Variants in HEMK1 observed in about 807,000 individuals in gnomAD.
The protein encoded by HEMK1 is HemK methyltransferase 1, mitochondrial release factors N(5)-glutamine.
In HEMK1, 36 loss-of-function variants were observed where a neutral mutation model predicts 47.9. The ratio of observed to expected loss-of-function variants is 0.75; its 90% CI spans 0.58 to 0.99. The LOEUF (loss-of-function observed/expected upper bound fraction) is 0.99. Among genes scored for constraint, HEMK1 ranks in the 50% least tolerant of loss-of-function variants. HEMK1 has a pLI of 0.00. For synonymous variants in HEMK1, 153 were observed against 165.4 expected, an observed-to-expected ratio of 0.93 and a Z score of 0.57; for missense variants, 383 against 434.5, an observed-to-expected ratio of 0.88 and a Z score of 1.05.
At position 50,587,580 on chromosome 3, in the gene HEMK1, C is replaced by G. The variant is rs1465682401; in HGVS notation, c.*7163C>G. 1 of 152,218 alleles carries G rather than the reference C, an allele frequency of 6.6e-6. No individual in the cohort carries two copies. The highest frequency in any genetic ancestry group is 1.5e-5 in the Non-Finnish European group (1 of 68,082). 9.4% of individuals were successfully genotyped at this position (152,218 alleles called of 1,614,324 possible). A position where few individuals can be genotyped will look rare whatever the true frequency, so the allele number is the denominator to read the frequency against. On this transcript the variant is annotated 3_prime_UTR_variant, in exon 11 of 11. Transcript: ENST00000232854. This position sits in a 1 kb window ranked among gnomAD's most constrained non-coding sequence, Gnocchi z 4.2. ...GGAGCTGGAGGCCTTAGTCATCACA[C>G]CAGGCTTGAGGAGGGGCGGATAGGA...
rs953253823 is a variant in HEMK1 at position 50,590,761 on chromosome 3, G to C, written c.*10344G>C. 6.6e-6 allele frequency: 1 copy of C among 152,274 alleles called. No individual in the cohort carries two copies. The highest frequency in any genetic ancestry group is 1.9e-4 in the East Asian group (1 of 5,166). 9.4% of individuals were successfully genotyped at this position (152,274 alleles called of 1,614,324 possible). Reference sequence around the variant, plus strand: ...GGCCACATGCTCCTGAAAGGTCCTTGGGAGCCCCACCAGGCTCCAGTGTGG... The same window carrying C: ...GGCCACATGCTCCTGAAAGGTCCTTCGGAGCCCCACCAGGCTCCAGTGTGG... On this transcript the variant is annotated 3_prime_UTR_variant, in exon 11 of 11. Coordinates refer to ENST00000232854, the MANE Select transcript of HEMK1 (RefSeq NM_016173.5).
At position 50,587,333 on chromosome 3, in the gene HEMK1, C is replaced by G. The variant is rs1008170469; in HGVS notation, c.*6916C>G. On this transcript the variant is annotated 3_prime_UTR_variant, in exon 11 of 11. Transcript: ENST00000232854. The surrounding 1 kb of genome is among the most constrained non-coding windows in gnomAD (Gnocchi z 4.2). ...CAGGGCCTCAGTCTCTCAAGACCTACTTTGTGTCAGGCACCAGGGAGATGA... is the reference window on the plus strand; with the variant it reads ...CAGGGCCTCAGTCTCTCAAGACCTAGTTTGTGTCAGGCACCAGGGAGATGA... 1 of 152,258 alleles carries G rather than the reference C, an allele frequency of 6.6e-6. No individual in the cohort carries two copies. Among genetic ancestry groups the G allele is most frequent in the Non-Finnish European group, 1.5e-5 (1 of 68,088 alleles). The allele number at this position is 152,258 out of a possible 1,614,324, so 9.4% of individuals were successfully genotyped here.
Position 50,581,085 on chromosome 3 carries a change from G to A in HEMK1, c.*668G>A, listed in dbSNP as rs145340689. On this transcript the variant is annotated 3_prime_UTR_variant, in exon 11 of 11. Coordinates refer to ENST00000232854, the MANE Select transcript of HEMK1 (RefSeq NM_016173.5). ...TTCATTTAACTGAAGGCTTGAGCCA[G>A]TGAGGGGTGTTTCCTTTTTATCCCC... is the stretch of plus-strand genomic sequence containing the variant. 1.2e-4 allele frequency: 18 copies of A among 152,478 alleles called. 1 individual carries two copies. The East Asian group carries it at 3.5e-3, about 29-fold the overall frequency. 9.4% of individuals were successfully genotyped at this position (152,478 alleles called of 1,614,324 possible). A position where few individuals can be genotyped will look rare whatever the true frequency, so the allele number is the denominator to read the frequency against.
intron 4 of HEMK1, among the ~76,000 whole-genome samples, chr3:50,574,334 T>G (rs1559456515): frequency 6.6e-6 from 1 of 152,220 alleles, no homozygotes; most frequent in Admixed American, 6.5e-5. Context: ...TGGGCTGTTA[T>G]CTACCCCTGC....
chr3:50,576,181 C>A (rs894314555), intron 4 of HEMK1, among the ~76,000 whole-genome samples: 5 of 152,210 alleles, frequency 3.3e-5, no homozygotes, highest in Admixed American at 3.3e-4. Context: ...TAGGAGCCTC[C>A]CTGGGGGCCT....
rs2031957776 is a variant in HEMK1, at chr3:50,596,066, G to A, written c.*15649G>A. 2 of 152,162 alleles carry A rather than the reference G, an allele frequency of 1.3e-5. No homozygotes were observed. The allele number at this position is 152,162 out of a possible 1,614,324, so 9.4% of individuals were successfully genotyped here. A position where few individuals can be genotyped will look rare whatever the true frequency, so the allele number is the denominator to read the frequency against. On this transcript the variant is annotated 3_prime_UTR_variant, in exon 11 of 11. Coordinates refer to ENST00000232854, the MANE Select transcript of HEMK1 (RefSeq NM_016173.5). Reference sequence around the variant, plus strand: ...TCCAATATCACTTACTGGAAATTGTGCTTTGTCTGTTACCACTCTCTTCTA... The same window carrying A: ...TCCAATATCACTTACTGGAAATTGTACTTTGTCTGTTACCACTCTCTTCTA...
chr3:50,587,027 T>G lies in HEMK1; in HGVS notation c.*6610T>G, dbSNP rs1379115861. ...ATGGGGTTTTTAGTTGTCCCCACAT[T>G]ACAAAGTTGAGGACACCAAGGCTCA... is the stretch of plus-strand genomic sequence containing the variant. On this transcript the variant is annotated 3_prime_UTR_variant, in exon 11 of 11. Coordinates refer to ENST00000232854, the MANE Select transcript of HEMK1 (RefSeq NM_016173.5). This position sits in a 1 kb window ranked among gnomAD's most constrained non-coding sequence, Gnocchi z 4.2. The G allele has an allele frequency of 6.6e-6, 1 of 152,072 alleles. No homozygotes were observed. The highest frequency in any genetic ancestry group is 1.5e-5 in the Non-Finnish European group (1 of 68,024). 9.4% of individuals were successfully genotyped at this position (152,072 alleles called of 1,614,324 possible).
At position 50,585,368 on chromosome 3, in the gene HEMK1, C is replaced by T. The variant is rs1029511671; in HGVS notation, c.*4951C>T. 1.3e-5 allele frequency: 2 copies of T among 152,298 alleles called. No homozygotes were observed. Among genetic ancestry groups the T allele is most frequent in the Non-Finnish European group, 2.9e-5 (2 of 68,102 alleles). 9.4% of individuals were successfully genotyped at this position (152,298 alleles called of 1,614,324 possible). ...CTGGCCCCTCCATGTAAGCCATAGG[C>T]CTGAGCAGAGCTGTGTCACCATTCT... On this transcript the variant is annotated 3_prime_UTR_variant, in exon 11 of 11. Coordinates refer to ENST00000232854, the MANE Select transcript of HEMK1 (RefSeq NM_016173.5).
At chr3:50,575,318 A>G (rs1210199038) in intron 4 of HEMK1, among the ~76,000 whole-genome samples, 2 of 152,106 alleles carry the variant, frequency 1.3e-5, no homozygotes, top group Non-Finnish European at 2.9e-5. Context: ...GCTACTTGGG[A>G]AGGCTGAGAC....
At chr3:50,577,699 G>C in intron 6 of HEMK1, 126 bp downstream of exon 6, 1 of 1,330,600 alleles carries the variant, frequency 7.5e-7, no homozygotes, top group Non-Finnish European at 1.1e-6. Flanking sequence ...GGTCCCATGG[G>C]GTTCTGAATG....
Position 50,581,730 on chromosome 3 carries a change from C to T in HEMK1, c.*1313C>T, listed in dbSNP as rs1395664665. 1 of 152,260 alleles carries T rather than the reference C, an allele frequency of 6.6e-6. No homozygotes were observed. The highest frequency in any genetic ancestry group is 2.4e-5 in the African/African-American group (1 of 41,460). The allele number at this position is 152,260 out of a possible 1,614,324, so 9.4% of individuals were successfully genotyped here. ...ACCAAGTGGAGACAGTAAGTTAGAT[C>T]CCTCCCTTTGGGGAGCCTATATTGC... On this transcript the variant is annotated 3_prime_UTR_variant, in exon 11 of 11. Coordinates refer to ENST00000232854, the MANE Select transcript of HEMK1 (RefSeq NM_016173.5).
At position 50,593,597 on chromosome 3, in the gene HEMK1, G is replaced by A. The variant is rs986666472; in HGVS notation, c.*13180G>A. 2 of 152,192 alleles carry A rather than the reference G, an allele frequency of 1.3e-5. No individual in the cohort carries two copies. Among genetic ancestry groups the A allele is most frequent in the Non-Finnish European group, 2.9e-5 (2 of 68,044 alleles). 9.4% of individuals were successfully genotyped at this position (152,192 alleles called of 1,614,324 possible). A position where few individuals can be genotyped will look rare whatever the true frequency, so the allele number is the denominator to read the frequency against. ...CTGGTTCTTGCTGCTGCATGGGCAA[G>A]CCATTAATTTACAGGGGTTTATCTT... On this transcript the variant is annotated 3_prime_UTR_variant, in exon 11 of 11. Coordinates refer to ENST00000232854, the MANE Select transcript of HEMK1 (RefSeq NM_016173.5).
chr3:50,590,895 A>G lies in HEMK1; in HGVS notation c.*10478A>G, dbSNP rs886285667. 1 of 152,226 alleles carries G rather than the reference A, an allele frequency of 6.6e-6. No individual in the cohort carries two copies. The highest frequency in any genetic ancestry group is 1.5e-5 in the Non-Finnish European group (1 of 68,048). 9.4% of individuals were successfully genotyped at this position (152,226 alleles called of 1,614,324 possible). A position where few individuals can be genotyped will look rare whatever the true frequency, so the allele number is the denominator to read the frequency against. On this transcript the variant is annotated 3_prime_UTR_variant, in exon 11 of 11. Coordinates refer to ENST00000232854, the MANE Select transcript of HEMK1 (RefSeq NM_016173.5). ...GGACCCTGTGCCCCTGAAAGCCCAG[A>G]GTTTCACTGTTTCTGGGTACCTTCA... is the stretch of plus-strand genomic sequence containing the variant.
chr3:50,580,454 GC>G lies in HEMK1; in HGVS notation c.*39del, dbSNP rs761890505. The G allele has an allele frequency of 6.2e-7, 1 of 1,610,772 alleles. No individual in the cohort carries two copies. Among genetic ancestry groups the G allele is most frequent in the South Asian group, 1.1e-5 (1 of 90,976 alleles). Reference sequence around the variant, plus strand: ...TGTGGATGCCTTGTCAGTGCCGCCAGCCTGACCAGAGGGGAGGTGGATGGCA... The same window carrying G: ...TGTGGATGCCTTGTCAGTGCCGCCAGCTGACCAGAGGGGAGGTGGATGGCA... On this transcript the variant is annotated 3_prime_UTR_variant, in exon 11 of 11. Transcript: ENST00000232854.
At chr3:50,579,427 C>T (rs2030401578) in intron 8 of HEMK1, among the ~76,000 whole-genome samples, 1 of 152,178 alleles carries the variant, frequency 6.6e-6, no homozygotes, top group Non-Finnish European at 1.5e-5. Context: ...GAACCAGGGG[C>T]AGCCCAGGAG....
At chr3:50,572,315 G>C (rs747277376) in intron 4 of HEMK1, 107 bp downstream of exon 4, 2 of 1,152,218 alleles carry the variant, frequency 1.7e-6, no homozygotes, top group Non-Finnish European at 2.5e-6. Context: ...ATGACTTCAG[G>C]GACAGTGCCT....
chr3:50,569,727 G>A (rs1295478158), intron 1 of HEMK1, 153 bp downstream of exon 1: 1 of 152,436 alleles, frequency 6.6e-6, no homozygotes, highest in Admixed American at 6.5e-5. Flanking sequence ...GTAGCTGTGA[G>A]GGAGTTTACA....
rs1181066110 is a variant in HEMK1, at chr3:50,584,780, T to C, written c.*4363T>C. 1.3e-5 allele frequency: 2 copies of C among 152,254 alleles called. No homozygotes were observed. The highest frequency in any genetic ancestry group is 1.3e-4 in the Admixed American group (2 of 15,288). The allele number at this position is 152,254 out of a possible 1,614,324, so 9.4% of individuals were successfully genotyped here. On this transcript the variant is annotated 3_prime_UTR_variant, in exon 11 of 11. Coordinates refer to ENST00000232854, the MANE Select transcript of HEMK1 (RefSeq NM_016173.5). ...TGAAAACACATGTGTGATAATTTGT[T>C]ACAGCAGCCACGGGAAACGAATATA...
intron 6 of HEMK1, 46 bp from the exon 7 acceptor site, chr3:50,577,780 G>A (rs2029945303): frequency 1.0e-5 from 16 of 1,588,638 alleles, no homozygotes; most frequent in East Asian, 2.2e-5. Context: ...GTAGTGAAGG[G>A]TAGGGGTCTG....
Sources: allele counts gnomAD v4.1 joint callset (sites outside exome capture counted in the v4.1 genomes callset), GRCh38; gene constraint gnomAD v4.1.1; non-coding constraint Gnocchi (gnomAD v3.1); transcripts MANE v1.5; gene names NCBI Gene and HGNC (gene_info 2026-07-23, HGNC 2026-07-21).